The following DUSP22 variants were observed in gnomAD, a reference collection of about 807,000 sequenced individuals.
DUSP22 encodes the protein dual specificity protein phosphatase 22.
Under a neutral mutation model 24.5 loss-of-function variants are expected in DUSP22, and 24 were observed. That is an observed-to-expected ratio of 0.98 (90% CI 0.71 to 1.38). The LOEUF (loss-of-function observed/expected upper bound fraction) is 1.38. DUSP22 is among the 40% of genes most tolerant of loss of function. The probability of loss-of-function intolerance (pLI) is 0.00; values close to 1 mark genes in which losing one functional copy is unlikely to be tolerated. For synonymous variants in DUSP22, 160 were observed against 106.4 expected, an observed-to-expected ratio of 1.50 and a Z score of -3.10; for missense variants, 330 against 269.2, an observed-to-expected ratio of 1.23 and a Z score of -1.58.
rs1336501776 is a variant in DUSP22 at position 349,565 on chromosome 6, TGTG to T, written c.*619_*621del. On this transcript the variant is annotated 3_prime_UTR_variant, in exon 7 of 7. Coordinates refer to ENST00000419235, the MANE Select transcript of DUSP22 (RefSeq NM_001286555.3). Reference sequence around the variant, plus strand: ...CTCTCCCAGAACCCACCCAGGGTGGTGTGGTGGGGGCAACAGGGGCCAGACTCC... The same window carrying T: ...CTCTCCCAGAACCCACCCAGGGTGGTGTGGGGGCAACAGGGGCCAGACTCC... 1.0e-6 allele frequency: 1 copy of T among 988,810 alleles called. No homozygotes were observed. The highest frequency in any genetic ancestry group is 1.2e-6 in the Non-Finnish European group (1 of 832,588). The allele number at this position is 988,810 out of a possible 1,614,324, so 61.3% of individuals were successfully genotyped here. A position where few individuals can be genotyped will look rare whatever the true frequency, so the allele number is the denominator to read the frequency against.
At chr6:329,694 C>T (rs1369592506) in intron 3 of DUSP22, among the ~76,000 whole-genome samples, 1 of 152,304 alleles carries the variant, frequency 6.6e-6, no homozygotes, top group East Asian at 1.9e-4. Flanking sequence ...CCTCGTGGCT[C>T]ACCTGCCTTG....
rs1760162622 is a variant in DUSP22 at position 350,736 on chromosome 6, G to C, written c.*1785G>C. 1 of 1,612,106 alleles carries C rather than the reference G, an allele frequency of 6.2e-7. No homozygotes were observed. On this transcript the variant is annotated 3_prime_UTR_variant, in exon 7 of 7. Transcript: ENST00000419235. ...ATATAGCTTGAATGCTTAAATATGTGCACCTTTACAAACCTCTCAGTGTAT... is the reference window on the plus strand; with the variant it reads ...ATATAGCTTGAATGCTTAAATATGTCCACCTTTACAAACCTCTCAGTGTAT...
chr6:309,533 T>G (rs1294064910), intron 2 of DUSP22, among the ~76,000 whole-genome samples: 2 of 152,308 alleles, frequency 1.3e-5, no homozygotes, highest in Non-Finnish European at 2.9e-5. Context: ...TTCCTGACGT[T>G]GCTGAATGTT....
chr6:321,493 A>T (rs1396519496), intron 3 of DUSP22, among the ~76,000 whole-genome samples: 1 of 152,306 alleles, frequency 6.6e-6, no homozygotes, highest in Non-Finnish European at 1.5e-5. Context: ...GTTAGAAGTG[A>T]TGAGGGTCTG....
chr6:326,806 G>A (rs1758903545), intron 3 of DUSP22, among the ~76,000 whole-genome samples: 1 of 152,310 alleles, frequency 6.6e-6, no homozygotes, highest in African/African-American at 2.4e-5. Context: ...GAGCAAAGGA[G>A]AATTGAGCAC....
intron 3 of DUSP22, among the ~76,000 whole-genome samples, chr6:318,475 G>A (rs1303184904): frequency 1.3e-5 from 2 of 152,298 alleles, no homozygotes; most frequent in Non-Finnish European, 2.9e-5. Context: ...TGACATGCAG[G>A]CCATCACCTC....
At chr6:317,969 C>T (rs1758409573) in intron 3 of DUSP22, among the ~76,000 whole-genome samples, 1 of 152,294 alleles carries the variant, frequency 6.6e-6, no homozygotes, top group African/African-American at 2.4e-5. Context: ...AGAGTGATTT[C>T]TTTATCATGA....
chr6:347,084 A>G (rs1328596784), intron 5 of DUSP22, among the ~76,000 whole-genome samples: 1 of 152,306 alleles, frequency 6.6e-6, no homozygotes, highest in Admixed American at 6.5e-5. Flanking sequence ...TGGCTTTAAC[A>G]TACCTTGGGG....
chr6:329,271 T>C (rs1025339244), intron 3 of DUSP22, among the ~76,000 whole-genome samples: 3 of 152,302 alleles, frequency 2.0e-5, no homozygotes, highest in Non-Finnish European at 4.4e-5. Flanking sequence ...GTCAGATTCA[T>C]AGAGATAGAA....
chr6:292,668 T>TGGGGACGGGCGCGGAGGG, intron 1 of DUSP22, 108 bp downstream of exon 1: 1 of 1,442,506 alleles, frequency 6.9e-7, no homozygotes, highest in Non-Finnish European at 9.2e-7. Flanking sequence ...TTTCCCGCGG[T>TGGGGACGGGCGCGGAGGG]GGGGACGGGC....
At chr6:335,089 G>A (rs766330827) in intron 3 of DUSP22, 25 bp from the exon 4 acceptor site, 1 of 1,608,972 alleles carries the variant, frequency 6.2e-7, no homozygotes, top group Non-Finnish European at 8.5e-7. Flanking sequence ...TTATTTTTAT[G>A]TATTTACTTT....
At chr6:293,716 A>T (rs1470753037) in intron 1 of DUSP22, among the ~76,000 whole-genome samples, 1 of 151,934 alleles carries the variant, frequency 6.6e-6, no homozygotes, top group South Asian at 2.1e-4. Flanking sequence ...TGTCCTGGTT[A>T]CCCAGTTTGT....
intron 3 of DUSP22, among the ~76,000 whole-genome samples, chr6:329,709 C>T (rs1759055571): frequency 6.6e-6 from 1 of 152,312 alleles, no homozygotes; most frequent in Admixed American, 6.5e-5. Context: ...GCCTTGCCCT[C>T]CCAAAGTGCT....
chr6:304,091 A>G (rs778001965), intron 1 of DUSP22, among the ~76,000 whole-genome samples: 4 of 152,298 alleles, frequency 2.6e-5, no homozygotes, highest in Admixed American at 6.5e-5. Flanking sequence ...TTGCTGCCCA[A>G]GGAGTTTTCC....
chr6:341,500 G>GA (rs1759604371), intron 4 of DUSP22, among the ~76,000 whole-genome samples: 1 of 152,302 alleles, frequency 6.6e-6, no homozygotes, highest in Non-Finnish European at 1.5e-5. Context: ...CTGCACCAAA[G>GA]TGGCAGTGCG....
At chr6:341,496 C>A (rs564990048) in intron 4 of DUSP22, among the ~76,000 whole-genome samples, 1 of 152,308 alleles carries the variant, frequency 6.6e-6, no homozygotes, top group Non-Finnish European at 1.5e-5. Context: ...AGTCCTGCAC[C>A]AAAGTGGCAG....
Position 349,400 on chromosome 6 carries a change from G to A in DUSP22, c.*449G>A, listed in dbSNP as rs895783541. 9.8e-6 allele frequency: 10 copies of A among 1,019,644 alleles called. No homozygotes were observed. Among genetic ancestry groups the A allele is most frequent in the Admixed American group, 5.5e-5 (1 of 18,342 alleles). 63.2% of individuals were successfully genotyped at this position (1,019,644 alleles called of 1,614,324 possible). ...AGAATTCATATTGCTGCCCGGGTTG[G>A]TGTGGCCACCTTTCCCTTTGTCCAA... On this transcript the variant is annotated 3_prime_UTR_variant, in exon 7 of 7. Transcript: ENST00000419235.
rs1760066401 is a variant in DUSP22 at position 349,355 on chromosome 6, T to A, written c.*404T>A. On this transcript the variant is annotated 3_prime_UTR_variant, in exon 7 of 7. Coordinates refer to ENST00000419235, the MANE Select transcript of DUSP22 (RefSeq NM_001286555.3). ...GAATGTTTGTGTGTGTGTGAACTCTTTCTTACTGCTGGAAGTCACAGAATT... is the reference window on the plus strand; with the variant it reads ...GAATGTTTGTGTGTGTGTGAACTCTATCTTACTGCTGGAAGTCACAGAATT... The A allele has an allele frequency of 2.9e-6, 3 of 1,041,212 alleles. No homozygotes were observed. Among genetic ancestry groups the A allele is most frequent in the Admixed American group, 5.3e-5 (1 of 18,866 alleles). 64.5% of individuals were successfully genotyped at this position (1,041,212 alleles called of 1,614,324 possible).
chr6:314,493 G>A (rs551308715), intron 3 of DUSP22, among the ~76,000 whole-genome samples: 4 of 152,422 alleles, frequency 2.6e-5, no homozygotes, highest in Admixed American at 2.6e-4. Flanking sequence ...TAAAGCTCTG[G>A]GTTACTTAGC....
Sources: gnomAD v4.1 joint callset for allele counts (sites outside exome capture counted in the v4.1 genomes callset) on GRCh38, gnomAD v4.1.1 for gene constraint, MANE v1.5 for transcripts, NCBI Gene and HGNC (gene_info 2026-07-23, HGNC 2026-07-21) for gene names.